Variants in CALHM3 observed in about 807,000 individuals in gnomAD.
The protein encoded by CALHM3 is calcium homeostasis modulator protein 3.
A neutral mutation model predicts 13.6 loss-of-function variants in CALHM3; 9 were observed. The ratio of observed to expected loss-of-function variants is 0.66; its 90% CI spans 0.40 to 1.15. The LOEUF is 1.15. Among genes scored for constraint, CALHM3 ranks in the 50% most tolerant of loss-of-function variants. The pLI is 0.01. For missense variants in CALHM3, 497 were observed against 463.4 expected (o/e 1.07, Z -0.67); for synonymous variants, 231 against 213.2 (o/e 1.08, Z -0.73).
At chr10:103,475,449 G>A (rs1285274755) in intron 2 of CALHM3, among the ~76,000 whole-genome samples, 1 of 152,136 alleles carries the variant, frequency 6.6e-6, no homozygotes, top group African/African-American at 2.4e-5. Context: ...TCTTTCCACC[G>A]AACTAGGGAA....
At position 103,479,120 on chromosome 10, in the gene CALHM3, C is replaced by G. The variant is rs2033428495; in HGVS notation, c.-88G>C. ...TGGTGTCTGCTGTGCTGGGGACGAG[C>G]CTGGGATCTGCAAGAGGTTCTCTCT... On this transcript the variant is annotated 5_prime_UTR_variant, in exon 1 of 3. Transcript: ENST00000369783. 2.2e-6 allele frequency: 3 copies of G among 1,389,826 alleles called. No homozygotes were observed. The highest frequency in any genetic ancestry group is 2.9e-6 in the Non-Finnish European group (3 of 1,034,466). The allele number at this position is 1,389,826 out of a possible 1,614,324, so 86.1% of individuals were successfully genotyped here.
rs2033428374 is a variant in CALHM3 at position 103,479,115 on chromosome 10, A to G, written c.-83T>C. On this transcript the variant is annotated 5_prime_UTR_variant, in exon 1 of 3. Transcript: ENST00000369783. ...CTTCCTGGTGTCTGCTGTGCTGGGGACGAGCCTGGGATCTGCAAGAGGTTC... is the reference window on the plus strand; with the variant it reads ...CTTCCTGGTGTCTGCTGTGCTGGGGGCGAGCCTGGGATCTGCAAGAGGTTC... 11 of 1,421,802 alleles carry G rather than the reference A, an allele frequency of 7.7e-6. No individual in the cohort carries two copies. In the South Asian group the frequency reaches 1.5e-4, roughly 20 times the overall value. The allele number at this position is 1,421,802 out of a possible 1,614,324, so 88.1% of individuals were successfully genotyped here. A position where few individuals can be genotyped will look rare whatever the true frequency, so the allele number is the denominator to read the frequency against.
chr10:103,476,932 C>T (rs574520336), intron 1 of CALHM3, among the ~76,000 whole-genome samples: 1 of 152,324 alleles, frequency 6.6e-6, no homozygotes, highest in African/African-American at 2.4e-5. Flanking sequence ...GAGGGGTAGG[C>T]TGGAAGCACT....
rs1397810175 is a variant in CALHM3, at chr10:103,479,141, T to C, written c.-109A>G. 3 of 1,256,000 alleles carry C rather than the reference T, an allele frequency of 2.4e-6. No individual in the cohort carries two copies. Among genetic ancestry groups the C allele is most frequent in the South Asian group, 1.5e-5 (1 of 66,956 alleles). The allele number at this position is 1,256,000 out of a possible 1,614,324, so 77.8% of individuals were successfully genotyped here. A position where few individuals can be genotyped will look rare whatever the true frequency, so the allele number is the denominator to read the frequency against. ...CGAGCCTGGGATCTGCAAGAGGTTC[T>C]CTCTCTGCTTCCAAGGGCCTGAGGG... On this transcript the variant is annotated 5_prime_UTR_variant, in exon 1 of 3. Coordinates refer to ENST00000369783, the MANE Select transcript of CALHM3 (RefSeq NM_001129742.2).
chr10:103,473,417 T>TGGGGGCTTAGGCACTGCG lies in CALHM3; in HGVS notation c.830_831insCGCAGTGCCTAAGCCCCC (p.Pro277_Glu278insAlaValProLysProPro). ...TCCCACTTCCACTATCCAGGCCTTCTGGGGGCTCAGGCACTGCGGGGAGCT... is the reference window on the plus strand; with the variant it reads ...TCCCACTTCCACTATCCAGGCCTTCTGGGGGCTTAGGCACTGCGGGGGGCTCAGGCACTGCGGGGAGCT... On this transcript the variant is annotated inframe_insertion, in exon 3 of 3. Coordinates refer to ENST00000369783, the MANE Select transcript of CALHM3 (RefSeq NM_001129742.2). 5 of 1,517,368 alleles carry TGGGGGCTTAGGCACTGCG rather than the reference T, an allele frequency of 3.3e-6. No individual in the cohort carries two copies. In the South Asian group the frequency reaches 5.1e-5, roughly 16 times the overall value. 94.0% of individuals were successfully genotyped at this position (1,517,368 alleles called of 1,614,324 possible).
chr10:103,474,255 C>T (rs868089272), intron 2 of CALHM3, among the ~76,000 whole-genome samples: 7 of 152,178 alleles, frequency 4.6e-5, no homozygotes, highest in African/African-American at 9.7e-5. Flanking sequence ...CCTATCCAAT[C>T]GTCCATCCTC....
At position 103,478,968 on chromosome 10, in the gene CALHM3, A is replaced by G; in HGVS notation, c.65T>C (p.Ile22Thr). The change falls in exon 1 of 3, where the codon ATC becomes ACC. Residue 22 changes from isoleucine to threonine, a missense_variant. Transcript: ENST00000369783. ...QSSSESVMNG[I>T]CLLLAAVTVK... ...GGTGACCGCAGCCAGCAGCAGGCAG[A>G]TGCCATTCATCACCGACTCCGAGCT... 6.4e-7 allele frequency: 1 copy of G among 1,551,724 alleles called. No homozygotes were observed. Among genetic ancestry groups the G allele is most frequent in the Non-Finnish European group, 8.7e-7 (1 of 1,146,996 alleles).
intron 2 of CALHM3, among the ~76,000 whole-genome samples, chr10:103,474,378 T>A (rs1286081682): frequency 6.6e-6 from 1 of 151,606 alleles, no homozygotes. Context: ...CATATGCTCC[T>A]CCTTCCTTCC....
intron 2 of CALHM3, 112 bp downstream of exon 2, chr10:103,476,182 G>A: frequency 7.1e-7 from 1 of 1,413,988 alleles, no homozygotes; most frequent in Non-Finnish European, 9.6e-7. Context: ...TGCCTCCTGG[G>A]AATGGGCTGA....
Position 103,479,062 on chromosome 10 carries a change from C to T in CALHM3, c.-30G>A, listed in dbSNP as rs898532817. 10 of 1,523,654 alleles carry T rather than the reference C, an allele frequency of 6.6e-6. No homozygotes were observed. The Admixed American group carries it at 8.0e-5, about 12-fold the overall frequency. The allele number at this position is 1,523,654 out of a possible 1,614,324, so 94.4% of individuals were successfully genotyped here. A position where few individuals can be genotyped will look rare whatever the true frequency, so the allele number is the denominator to read the frequency against. On this transcript the variant is annotated 5_prime_UTR_variant, in exon 1 of 3. Coordinates refer to ENST00000369783, the MANE Select transcript of CALHM3 (RefSeq NM_001129742.2). ...CCAGCCTGGGTGGGTGGGCGGCCGT[C>T]GGTTCGGCTCAGTGAGGCTCTGGCC...
In CALHM3 at chr10:103,475,879, G is replaced by C. The variant is rs371007000; in HGVS notation, c.543+415C>G. On this transcript the variant is annotated intron_variant, in intron 2 of 2. Transcript: ENST00000369783. Reference sequence around the variant, plus strand: ...TCAGCATCTGGAGAGAGCCTGCATTGTTGGAAGGTGGTTAAGAGGAATAAT... The same window carrying C: ...TCAGCATCTGGAGAGAGCCTGCATTCTTGGAAGGTGGTTAAGAGGAATAAT... 5.9e-5 allele frequency among the ~76,000 whole-genome samples: 9 copies of C among 152,156 alleles called. No individual in the cohort carries two copies. In the East Asian group the frequency reaches 1.2e-3, roughly 20 times the overall value.
intron 1 of CALHM3, among the ~76,000 whole-genome samples, chr10:103,477,577 C>CT (rs1318294099): frequency 1.3e-5 from 2 of 152,080 alleles, no homozygotes; most frequent in Non-Finnish European, 2.9e-5. Context: ...ATTTTCTTTT[C>CT]TTTTTTTGTC....
In CALHM3 at chr10:103,476,471, C is replaced by T; in HGVS notation, c.366G>A (p.Lys122=). 6.4e-7 allele frequency: 1 copy of T among 1,551,680 alleles called. No homozygotes were observed. Among genetic ancestry groups the T allele is most frequent in the Non-Finnish European group, 8.7e-7 (1 of 1,146,974 alleles). The change falls in exon 2 of 3, where the codon AAG becomes AAA. Residue 122 remains lysine, a synonymous_variant. Transcript: ENST00000369783. The part of the protein sequence containing the change: ...VWILLALLDG[K]CFVCAFSSSV... The stretch of plus-strand genomic sequence containing the variant: ...AGCTGCTGAAGGCACACACGAAGCA[C>T]TTCCCGTCAAGGAGGGCCAGCAGGA...
chr10:103,476,229 C>G, intron 2 of CALHM3, 65 bp downstream of exon 2: 1 of 1,538,016 alleles, frequency 6.5e-7, no homozygotes, highest in African/African-American at 1.4e-5. Flanking sequence ...CCCCTCACCC[C>G]ACTCCAGAAC....
In CALHM3 at chr10:103,473,087, T is replaced by G; in HGVS notation, c.*126A>C. The G allele has an allele frequency of 9.3e-7, 1 of 1,069,538 alleles. No individual in the cohort carries two copies. Among genetic ancestry groups the G allele is most frequent in the Non-Finnish European group, 1.2e-6 (1 of 831,672 alleles). 66.3% of individuals were successfully genotyped at this position (1,069,538 alleles called of 1,614,324 possible). On this transcript the variant is annotated 3_prime_UTR_variant, in exon 3 of 3. Coordinates refer to ENST00000369783, the MANE Select transcript of CALHM3 (RefSeq NM_001129742.2). ...GAAACTAGGCAGAGATTGGGCTACT[T>G]TAAAAAGGAGGCTAACAAGACTTAG...
chr10:103,478,677 C>T (rs2033418613), intron 1 of CALHM3, 69 bp downstream of exon 1: 3 of 1,422,166 alleles, frequency 2.1e-6, no homozygotes, highest in South Asian at 1.4e-5. Flanking sequence ...GTGCACTTGA[C>T]AGTGCCTGTG....
At position 103,473,698 on chromosome 10, in the gene CALHM3, C is replaced by G; in HGVS notation, c.550G>C (p.Gly184Arg). Residue 184 changes from glycine (G) to arginine (R), a missense_variant, in exon 3 of 3, where the codon GGC becomes CGC. By Grantham distance (125) the Gly-to-Arg change is moderately radical. Transcript: ENST00000369783. ...RYLRCLSQAI[G>R]WSVTLLLIIA... ...ATCAGCAGCAGGGTGACGCTCCAGC[C>G]GATGGCCTGCAAAGTAAGGAGGCCC... The G allele has an allele frequency of 6.5e-7, 1 of 1,545,590 alleles. No individual in the cohort carries two copies. Among genetic ancestry groups the G allele is most frequent in the Non-Finnish European group, 8.7e-7 (1 of 1,144,714 alleles).
rs2033389834 is a variant in CALHM3, at chr10:103,476,455, A to G, written c.382T>C (p.Phe128Leu). The G allele has an allele frequency of 6.4e-7, 1 of 1,551,606 alleles. No individual in the cohort carries two copies. Among genetic ancestry groups the G allele is most frequent in the African/African-American group, 1.4e-5 (1 of 73,054 alleles). ...TTCTCAGGGTCCACAGAGCTGCTGAAGGCACACACGAAGCACTTCCCGTCA... is the reference window on the plus strand; with the variant it reads ...TTCTCAGGGTCCACAGAGCTGCTGAGGGCACACACGAAGCACTTCCCGTCA... ...LLDGKCFVCA[F>L]SSSVDPEKFL... Residue 128 changes from phenylalanine (F) to leucine (L), a missense_variant, in exon 2 of 3, where the codon TTC (phenylalanine) becomes CTC (leucine). Phe to Leu is a conservative substitution (Grantham distance 22). Transcript: ENST00000369783.
Position 103,476,514 on chromosome 10 carries a change from G to A in CALHM3, c.323C>T (p.Ala108Val), listed in dbSNP as rs752823036. Reference sequence around the variant, plus strand: ...CAGCAGGATCCAGACCAGGGGGGCGGCCAGCGCCCTCTGCAGCACAGAGGA... The same window carrying A: ...CAGCAGGATCCAGACCAGGGGGGCGACCAGCGCCCTCTGCAGCACAGAGGA... ...MCSSVLQRAL[A>V]APLVWILLAL... Residue 108 changes from alanine (A) to valine (V), a missense_variant, in exon 2 of 3, where the codon GCC becomes GTC. Ala to Val is a moderately conservative substitution (Grantham distance 64). Coordinates refer to ENST00000369783, the MANE Select transcript of CALHM3 (RefSeq NM_001129742.2). 2 of 1,551,618 alleles carry A rather than the reference G, an allele frequency of 1.3e-6. No individual in the cohort carries two copies. The highest frequency in any genetic ancestry group is 1.7e-6 in the Non-Finnish European group (2 of 1,147,006).
Sources: allele counts gnomAD v4.1 joint callset (sites outside exome capture counted in the v4.1 genomes callset), GRCh38; gene constraint gnomAD v4.1.1; transcripts MANE v1.5; gene names NCBI Gene and HGNC (gene_info 2026-07-23, HGNC 2026-07-21).